The following MAPK8 variants were observed in gnomAD, a reference collection of about 807,000 sequenced individuals.
The protein encoded by MAPK8 is mitogen-activated protein kinase 8, also known as JUN N-terminal kinase.
Under a neutral mutation model 52.9 loss-of-function variants are expected in MAPK8, and 13 were observed. That is an observed-to-expected ratio of 0.25 (90% CI 0.16 to 0.39). The LOEUF (loss-of-function observed/expected upper bound fraction) is 0.39. Among genes scored for constraint, MAPK8 ranks in the 10% least tolerant of loss-of-function variants. MAPK8 has a pLI of 1.00. For missense variants in MAPK8, 300 were observed against 519.2 expected, an observed-to-expected ratio of 0.58 and a Z score of 4.10; for synonymous variants, 191 against 169.8, an observed-to-expected ratio of 1.12 and a Z score of -0.97.
chr10:48,420,439 A>G, intron 6 of MAPK8, 119 bp downstream of exon 6: 1 of 970,304 alleles, frequency 1.0e-6, no homozygotes, highest in Admixed American at 2.9e-5. Context: ...TCATTGTTTG[A>G]AATGTGTATC....
At chr10:48,404,016 C>A (rs1029605836) in intron 2 of MAPK8, among the ~76,000 whole-genome samples, 112 of 151,772 alleles carry the variant, frequency 7.4e-4, no homozygotes, top group African/African-American at 2.7e-3. Flanking sequence ...ATCTCCTGAT[C>A]TCGTGATCTA....
intron 7 of MAPK8, chr10:48,424,402 T>C: frequency 1.4e-6 from 1 of 729,228 alleles, no homozygotes; most frequent in Non-Finnish European, 2.2e-6. Flanking sequence ...TTTTATTTTA[T>C]ACTGCTTTTT....
rs564586422 is a variant in MAPK8 at position 48,436,438 on chromosome 10, A to G, written c.*1409A>G. 7.9e-5 allele frequency: 12 copies of G among 152,336 alleles called. No homozygotes were observed. The East Asian group carries it at 1.7e-3, about 22-fold the overall frequency. 9.4% of individuals were successfully genotyped at this position (152,336 alleles called of 1,614,324 possible). A position where few individuals can be genotyped will look rare whatever the true frequency, so the allele number is the denominator to read the frequency against. ...TGTCTTTGAAGTCTCGTTATTTCTGAAATACGTTGTCTGTAATAGACCCAG... is the reference window on the plus strand; with the variant it reads ...TGTCTTTGAAGTCTCGTTATTTCTGGAATACGTTGTCTGTAATAGACCCAG... On this transcript the variant is annotated 3_prime_UTR_variant, in exon 12 of 12. Coordinates refer to ENST00000374189, the MANE Select transcript of MAPK8 (RefSeq NM_001323329.2).
chr10:48,413,859 A>ATATATATATATT, intron 5 of MAPK8, among the ~76,000 whole-genome samples: 1 of 124,766 alleles, frequency 8.0e-6, no homozygotes, highest in African/African-American at 2.9e-5. Flanking sequence ...ATATATATAT[A>ATATATATATATT]TTCAGAAATA....
chr10:48,409,774 AT>A, intron 3 of MAPK8, 104 bp from the exon 4 acceptor site: 1 of 756,518 alleles, frequency 1.3e-6, no homozygotes, highest in East Asian at 2.7e-5. Context: ...GTAAAGAAAG[AT>A]TTTAAACTGA....
At chr10:48,371,241 G>A (rs530398461) in intron 1 of MAPK8, among the ~76,000 whole-genome samples, 1 of 152,126 alleles carries the variant, frequency 6.6e-6, no homozygotes, top group South Asian at 2.1e-4. Context: ...GCTATAGTCT[G>A]GCTTTCTGAA....
rs74929319 is a variant in MAPK8 at position 48,364,092 on chromosome 10, C to T, written c.-49-37520C>T. Among the ~76,000 whole-genome samples the T allele has an allele frequency of 6.5e-4, 99 of 152,132 alleles. 1 individual carries two copies. In the East Asian group the frequency reaches 0.017, roughly 27 times the overall value. On this transcript the variant is annotated intron_variant, in intron 1 of 11. Coordinates refer to ENST00000374189, the MANE Select transcript of MAPK8 (RefSeq NM_001323329.2). Reference sequence around the variant, plus strand: ...AGTCATTTTCCAGCACATGGTGGTACCTCAGGAGTTTTTGAGGCACACGGG... The same window carrying T: ...AGTCATTTTCCAGCACATGGTGGTATCTCAGGAGTTTTTGAGGCACACGGG...
At chr10:48,357,032 C>T (rs931682897) in intron 1 of MAPK8, among the ~76,000 whole-genome samples, 1 of 151,790 alleles carries the variant, frequency 6.6e-6, no homozygotes, top group Non-Finnish European at 1.5e-5. Flanking sequence ...GGTAACACTT[C>T]GATGGGAAAA....
rs189613540 is a variant in MAPK8, at chr10:48,397,095, A to G, written c.-49-4517A>G. On this transcript the variant is annotated intron_variant, in intron 1 of 11. Coordinates refer to ENST00000374189, the MANE Select transcript of MAPK8 (RefSeq NM_001323329.2). The stretch of plus-strand genomic sequence containing the variant: ...TATAAAACTATTAACCAAACTAGAA[A>G]TTTTCCTCAGATTTCAAAAGATTTA... 9.3e-4 allele frequency among the ~76,000 whole-genome samples: 141 copies of G among 152,174 alleles called. 4 individuals carry two copies. Among genetic ancestry groups the G allele is most frequent in the Non-Finnish European group, 7.4e-5 (5 of 67,990 alleles).
At chr10:48,364,257 T>TAGG (rs2132558231) in intron 1 of MAPK8, among the ~76,000 whole-genome samples, 1 of 152,254 alleles carries the variant, frequency 6.6e-6, no homozygotes, top group Non-Finnish European at 1.5e-5. Flanking sequence ...TTCGTTTCCT[T>TAGG]AAGTTTCCTT....
chr10:48,314,661 A>G (rs1842328546), intron 1 of MAPK8, among the ~76,000 whole-genome samples: 1 of 152,146 alleles, frequency 6.6e-6, no homozygotes, highest in Non-Finnish European at 1.5e-5. Context: ...GCACTGTGTA[A>G]GGATGCCTGC....
intron 1 of MAPK8, among the ~76,000 whole-genome samples, chr10:48,367,805 G>A (rs1456706593): frequency 6.6e-6 from 1 of 152,088 alleles, no homozygotes; most frequent in Non-Finnish European, 1.5e-5. Flanking sequence ...TTATATAATG[G>A]CATATATTTG....
intron 1 of MAPK8, among the ~76,000 whole-genome samples, chr10:48,331,874 G>A (rs1844183840): frequency 6.6e-6 from 1 of 152,136 alleles, no homozygotes; most frequent in African/African-American, 2.4e-5. Flanking sequence ...ATCCTAAGGA[G>A]TACTATTGGG....
chr10:48,350,356 G>T (rs765113845), intron 1 of MAPK8, among the ~76,000 whole-genome samples: 1 of 152,152 alleles, frequency 6.6e-6, no homozygotes, highest in Non-Finnish European at 1.5e-5. Context: ...GAACATTGAT[G>T]CGAAAATCCT....
intron 1 of MAPK8, among the ~76,000 whole-genome samples, chr10:48,385,378 TTC>T (rs1286078568): frequency 2.6e-5 from 4 of 152,218 alleles, no homozygotes; most frequent in Admixed American, 6.5e-5. Context: ...TTATTATCAC[TTC>T]TGCTACCTAG....
intron 1 of MAPK8, among the ~76,000 whole-genome samples, chr10:48,372,549 A>G (rs547402803): frequency 1.3e-5 from 2 of 152,278 alleles, no homozygotes; most frequent in Non-Finnish European, 2.9e-5. Context: ...TGGAACTGAA[A>G]AACACAGCAC....
intron 1 of MAPK8, among the ~76,000 whole-genome samples, chr10:48,331,257 G>A (rs1385621297): frequency 6.6e-6 from 1 of 152,124 alleles, no homozygotes; most frequent in Non-Finnish European, 1.5e-5. Flanking sequence ...GTAAGACCTG[G>A]CAGGCATCAA....
At chr10:48,422,006 C>CTTATTTAT (rs199974312) in intron 6 of MAPK8, among the ~76,000 whole-genome samples, 25,265 of 143,212 alleles carry the variant, frequency 0.18, 2,406 homozygotes, top group East Asian at 0.34. Flanking sequence ...TTTTATTTAT[C>CTTATTTAT]TTATTTATTT....
In MAPK8 at chr10:48,427,086, C is replaced by T; in HGVS notation, c.1003C>T (p.Pro335Ser). 6.2e-7 allele frequency: 1 copy of T among 1,612,722 alleles called. No homozygotes were observed. The highest frequency in any genetic ancestry group is 8.5e-7 in the Non-Finnish European group (1 of 1,179,174). Residue 335 changes from proline to serine, a missense_variant, in exon 10 of 12, where the codon CCA (proline) becomes TCA (serine). Coordinates refer to ENST00000374189, the MANE Select transcript of MAPK8 (RefSeq NM_001323329.2). ...YDPSEAEAPPPKIPDKQLDER... is the reference protein window; with the variant it reads ...YDPSEAEAPPSKIPDKQLDER... ...ATTGCCTTGTGTTTTTCAGCCACCA[C>T]CAAAGATCCCTGACAAGCAGTTAGA...
Sources: allele counts gnomAD v4.1 joint callset (sites outside exome capture counted in the v4.1 genomes callset), GRCh38; gene constraint gnomAD v4.1.1; transcripts MANE v1.5; gene names NCBI Gene and HGNC (gene_info 2026-07-23, HGNC 2026-07-21).